The following RIMOC1 variants were observed in gnomAD, a reference collection of about 807,000 sequenced individuals.
RIMOC1 encodes RAB7A-interacting MON1-CCZ1 complex subunit 1.
the RIMOC1 span, among the ~76,000 whole-genome samples, chr5:41,910,651 A>G: frequency 6.6e-6 from 1 of 151,950 alleles, no homozygotes; most frequent in Non-Finnish European, 1.5e-5. Flanking sequence ...TGATTTATTA[A>G]AATTATTTTT....
At chr5:41,909,656 A>T in the RIMOC1 span, 16 of 816,554 alleles carry the variant, frequency 2.0e-5, 1 homozygote, top group African/African-American at 2.4e-4. Context: ...TGTGTAATAA[A>T]GCACCTATGT....
chr5:41,916,590 C>T, the RIMOC1 span: 1 of 439,246 alleles, frequency 2.3e-6, no homozygotes, highest in African/African-American at 2.2e-5. Context: ...ATGAATTATC[C>T]TAGAGCATAC....
the RIMOC1 span, chr5:41,909,699 T>A: frequency 2.9e-6 from 4 of 1,385,308 alleles, no homozygotes; most frequent in South Asian, 5.7e-5. Context: ...TTGTTTTTTT[T>A]CAATTTTAAG....
At chr5:41,910,039 A>G in the RIMOC1 span, 1 of 602,160 alleles carries the variant, frequency 1.7e-6, no homozygotes, top group Non-Finnish European at 2.8e-6. Context: ...TTAACACTTC[A>G]GACCAATGTT....
chr5:41,917,368 AAAG>A, the RIMOC1 span: 1 of 1,486,862 alleles, frequency 6.7e-7, no homozygotes, highest in Non-Finnish European at 8.9e-7. Context: ...GAGTTCCAAA[AAAG>A]AAGACCTGTT....
chr5:41,904,613 C>T, the RIMOC1 span: 1 of 691,278 alleles, frequency 1.4e-6, no homozygotes, highest in South Asian at 1.9e-5. Context: ...GCTTCTGAGC[C>T]CCTCTGCGCC....
At chr5:41,904,504 A>G in the RIMOC1 span, 1 of 1,592,662 alleles carries the variant, frequency 6.3e-7, no homozygotes, top group Non-Finnish European at 8.6e-7. Flanking sequence ...GGCGGGGCAG[A>G]CGGCGCTAAG....
the RIMOC1 span, among the ~76,000 whole-genome samples, chr5:41,906,887 A>G: frequency 2.0e-5 from 3 of 152,202 alleles, no homozygotes; most frequent in Non-Finnish European, 2.9e-5. Context: ...AGAATATCAG[A>G]CTATGTTTCA....
the RIMOC1 span, among the ~76,000 whole-genome samples, chr5:41,910,332 C>A: frequency 2.0e-5 from 3 of 151,980 alleles, no homozygotes; most frequent in African/African-American, 7.2e-5. Flanking sequence ...GAAATGTCTT[C>A]TCTTGCTAGC....
At chr5:41,920,952 T>C in the RIMOC1 span, 23 of 152,516 alleles carry the variant, frequency 1.5e-4, no homozygotes, top group African/African-American at 5.6e-4. Context: ...AAAGGACTTT[T>C]CACAGTCGTT....
chr5:41,907,838 C>T, the RIMOC1 span: 28 of 1,593,264 alleles, frequency 1.8e-5, 1 homozygote, highest in Middle Eastern at 5.0e-4. Context: ...GAACTTTACA[C>T]ACAGGTACTG....
the RIMOC1 span, chr5:41,911,059 G>A: frequency 6.2e-7 from 1 of 1,609,686 alleles, no homozygotes; most frequent in South Asian, 1.1e-5. Context: ...ACTGCAATTT[G>A]CTTGGGGATG....
the RIMOC1 span, among the ~76,000 whole-genome samples, chr5:41,906,420 A>C: frequency 2.4e-4 from 36 of 152,296 alleles, no homozygotes; most frequent in Non-Finnish European, 4.4e-4. Context: ...TTATGTCATC[A>C]ATTTATGTGA....
At chr5:41,911,214 G>A in the RIMOC1 span, 1 of 1,578,164 alleles carries the variant, frequency 6.3e-7, no homozygotes, top group Non-Finnish European at 8.6e-7. Context: ...TTTCATTGTT[G>A]ACATTTAGAG....
chr5:41,917,063 A>G, the RIMOC1 span: 3 of 1,613,342 alleles, frequency 1.9e-6, no homozygotes, highest in Non-Finnish European at 2.5e-6. Flanking sequence ...CAGTGGAGAA[A>G]TGTGTTACTG....
the RIMOC1 span, among the ~76,000 whole-genome samples, chr5:41,910,126 AT>A: frequency 2.0e-5 from 3 of 151,884 alleles, no homozygotes; most frequent in South Asian, 2.1e-4. Context: ...GTGCCTAATC[AT>A]TTTTTTTAAT....
chr5:41,906,410 T>G, the RIMOC1 span, among the ~76,000 whole-genome samples: 1 of 152,214 alleles, frequency 6.6e-6, no homozygotes, highest in Admixed American at 6.6e-5. Flanking sequence ...GCCACAGTAA[T>G]TATGTCATCA....
At chr5:41,914,987 A>C in the RIMOC1 span, among the ~76,000 whole-genome samples, 5 of 152,234 alleles carry the variant, frequency 3.3e-5, no homozygotes, top group Admixed American at 2.0e-4. Context: ...TTCTGTGGCT[A>C]GATCTTGGTG....
At chr5:41,908,177 T>G in the RIMOC1 span, 1 of 170,532 alleles carries the variant, frequency 5.9e-6, no homozygotes, top group Non-Finnish European at 1.2e-5. Flanking sequence ...ATAAGGGCCC[T>G]GACTTTTTTT....
Sources: allele counts gnomAD v4.1 joint callset (sites outside exome capture counted in the v4.1 genomes callset), GRCh38; gene constraint gnomAD v4.1.1; transcripts MANE v1.5; gene names NCBI Gene and HGNC (gene_info 2026-07-23, HGNC 2026-07-21).